Variants in AHI1 observed in about 807,000 individuals in gnomAD.
AHI1 encodes the protein Abelson helper integration site 1, also known as jouberin.
In AHI1, 123 loss-of-function variants were observed where a neutral mutation model predicts 149.3. The ratio of observed to expected loss-of-function variants is 0.82; its 90% CI spans 0.71 to 0.96. The LOEUF (loss-of-function observed/expected upper bound fraction) is 0.96. Among genes scored for constraint, AHI1 ranks in the 40% least tolerant of loss-of-function variants. AHI1 has a pLI of 0.00. For missense variants in AHI1, 1,439 were observed against 1,422.7 expected, an observed-to-expected ratio of 1.01 and a Z score of -0.18; for synonymous variants, 475 against 459.8, an observed-to-expected ratio of 1.03 and a Z score of -0.42.
rs376194798 is a variant in AHI1 at position 135,287,256 on chromosome 6, A to AGACG, written c.3589-1613_3589-1610dup. On this transcript the variant is annotated intron_variant, in intron 28 of 28. Coordinates refer to ENST00000265602, the MANE Select transcript of AHI1 (RefSeq NM_001134831.2). Reference sequence around the variant, plus strand: ...ACTGTGAGAAGTAAACAGAGAAGCCAGACGGACCTTCAGGAGAAGAACCCA... The same window carrying AGACG: ...ACTGTGAGAAGTAAACAGAGAAGCCAGACGGACGGACCTTCAGGAGAAGAACCCA... Among the ~76,000 whole-genome samples the AGACG allele has an allele frequency of 4.7e-3, 720 of 152,344 alleles. 9 individuals are homozygous for AGACG. Among genetic ancestry groups the AGACG allele is most frequent in the African/African-American group, 0.016 (678 of 41,574 alleles).
intron 5 of AHI1, among the ~76,000 whole-genome samples, chr6:135,485,602 T>G (rs1320584140): frequency 1.3e-5 from 2 of 152,234 alleles, no homozygotes; most frequent in Admixed American, 1.3e-4. Flanking sequence ...AAATTTACTT[T>G]TAAGATCTTT....
chr6:135,415,085 T>C (rs1583117898), intron 20 of AHI1, among the ~76,000 whole-genome samples: 2 of 151,286 alleles, frequency 1.3e-5, no homozygotes, highest in South Asian at 4.2e-4. Flanking sequence ...GTCCTTGCGA[T>C]AGTTTGCTGA....
In AHI1 at chr6:135,403,295, G is replaced by A. The variant is rs556784503; in HGVS notation, c.2988+1656C>T. On this transcript the variant is annotated intron_variant, in intron 22 of 28. Transcript: ENST00000265602. The stretch of plus-strand genomic sequence containing the variant: ...AACCAGTGAACTGTATATTTTAAAA[G>A]AGTGGGCATTACGGTATATAAATTA... 2.0e-5 allele frequency among the ~76,000 whole-genome samples: 3 copies of A among 152,282 alleles called. No homozygotes were observed. In the East Asian group the frequency reaches 5.8e-4, roughly 29 times the overall value.
At chr6:135,480,122 C>T (rs985348484) in intron 5 of AHI1, among the ~76,000 whole-genome samples, 1 of 152,150 alleles carries the variant, frequency 6.6e-6, no homozygotes, top group Non-Finnish European at 1.5e-5. Context: ...TGAGAGCAGA[C>T]TAATACAATT....
chr6:135,371,710 A>G (rs2128456846), intron 23 of AHI1, among the ~76,000 whole-genome samples: 1 of 152,266 alleles, frequency 6.6e-6, no homozygotes, highest in South Asian at 2.1e-4. Flanking sequence ...GTTTCTTTCG[A>G]AAGATCTACA....
intron 26 of AHI1, among the ~76,000 whole-genome samples, chr6:135,314,131 G>A (rs1328019531): frequency 6.6e-6 from 1 of 152,164 alleles, no homozygotes; most frequent in Non-Finnish European, 1.5e-5. Context: ...TTATGTTATG[G>A]ACCTCATGTC....
chr6:135,456,992 C>A (rs1021927572), intron 9 of AHI1, among the ~76,000 whole-genome samples: 28 of 152,108 alleles, frequency 1.8e-4, no homozygotes, highest in African/African-American at 6.3e-4. Context: ...TATTCCCTTC[C>A]ACTTAAAAGT....
intron 24 of AHI1, among the ~76,000 whole-genome samples, chr6:135,354,962 T>G (rs888673920): frequency 2.0e-5 from 3 of 152,160 alleles, no homozygotes; most frequent in African/African-American, 7.2e-5. Flanking sequence ...TGACTAGCAG[T>G]CTGATGTCCA....
chr6:135,449,763 C>CT (rs1259546987), intron 11 of AHI1, among the ~76,000 whole-genome samples: 1 of 152,214 alleles, frequency 6.6e-6, no homozygotes, highest in African/African-American at 2.4e-5. Flanking sequence ...TGGGAATACT[C>CT]TAACCAATTT....
At chr6:135,366,895 G>C (rs556036513) in intron 23 of AHI1, among the ~76,000 whole-genome samples, 1 of 152,234 alleles carries the variant, frequency 6.6e-6, no homozygotes, top group East Asian at 1.9e-4. Context: ...TGCTCTTTCA[G>C]ATGATTGTAG....
intron 20 of AHI1, among the ~76,000 whole-genome samples, chr6:135,423,519 G>A (rs776478988): frequency 2.0e-5 from 3 of 152,148 alleles, no homozygotes; most frequent in South Asian, 2.1e-4. Context: ...CAATGACAAC[G>A]TAGGCTATCA....
At chr6:135,429,249 A>C (rs1273470558) in intron 18 of AHI1, among the ~76,000 whole-genome samples, 1 of 151,724 alleles carries the variant, frequency 6.6e-6, no homozygotes, top group East Asian at 1.9e-4. Context: ...AATATGGTAC[A>C]TAGCCTTCCA....
chr6:135,342,479 G>C (rs894425459), intron 24 of AHI1, among the ~76,000 whole-genome samples: 1 of 151,654 alleles, frequency 6.6e-6, no homozygotes, highest in Non-Finnish European at 1.5e-5. Context: ...TATGAATACT[G>C]ATGCAAAACC....
At chr6:135,427,774 G>A (rs1258306811) in intron 19 of AHI1, among the ~76,000 whole-genome samples, 3 of 151,138 alleles carry the variant, frequency 2.0e-5, no homozygotes, top group African/African-American at 7.3e-5. Context: ...CCATTTGCTT[G>A]AAAGATACCT....
intron 5 of AHI1, among the ~76,000 whole-genome samples, chr6:135,473,538 A>G (rs1190740765): frequency 1.3e-5 from 2 of 152,168 alleles, no homozygotes; most frequent in African/African-American, 4.8e-5. Flanking sequence ...TTTCTCATCT[A>G]GATTTTAAAG....
chr6:135,418,173 T>C (rs907214345), intron 20 of AHI1, among the ~76,000 whole-genome samples: 1 of 152,132 alleles, frequency 6.6e-6, no homozygotes. Context: ...AGAGCTGTCA[T>C]GTACCATGCA....
chr6:135,346,255 C>T (rs1324291258), intron 24 of AHI1, among the ~76,000 whole-genome samples: 3 of 152,060 alleles, frequency 2.0e-5, no homozygotes, highest in African/African-American at 4.8e-5. Flanking sequence ...AGTGCAGTGG[C>T]GCGATCTTGG....
At chr6:135,427,928 G>A (rs1178267172) in intron 19 of AHI1, among the ~76,000 whole-genome samples, 1 of 150,528 alleles carries the variant, frequency 6.6e-6, no homozygotes, top group Non-Finnish European at 1.5e-5. Context: ...ATCAAAACAC[G>A]GTACAGGAAA....
chr6:135,487,158 T>A (rs986928554), intron 5 of AHI1, among the ~76,000 whole-genome samples: 1 of 151,820 alleles, frequency 6.6e-6, no homozygotes, highest in Non-Finnish European at 1.5e-5. Flanking sequence ...TTGCTCTTAC[T>A]TAAATTTCTT....
Sources: gnomAD v4.1 joint callset for allele counts (sites outside exome capture counted in the v4.1 genomes callset) on GRCh38, gnomAD v4.1.1 for gene constraint, MANE v1.5 for transcripts, NCBI Gene and HGNC (gene_info 2026-07-23, HGNC 2026-07-21) for gene names.